The following GC variants were observed in gnomAD, a reference collection of about 807,000 sequenced individuals.
The protein encoded by GC is vitamin D-binding protein.
Under a neutral mutation model 56.7 loss-of-function variants are expected in GC, and 43 were observed. That is an observed-to-expected ratio of 0.76 (90% CI 0.59 to 0.98). The LOEUF is 0.98. GC is among the 50% of genes least tolerant of loss of function. The pLI, the probability that GC is intolerant of heterozygous loss-of-function variation, is 0.00. For synonymous variants in GC, 216 were observed against 202.7 expected, an observed-to-expected ratio of 1.07 and a Z score of -0.56; for missense variants, 529 against 545.9, an observed-to-expected ratio of 0.97 and a Z score of 0.31.
chr4:71,758,049 G>A lies in GC; in HGVS notation c.824C>T (p.Ala275Val). 1 of 1,612,974 alleles carries A rather than the reference G, an allele frequency of 6.2e-7. No individual in the cohort carries two copies. Among genetic ancestry groups the A allele is most frequent in the Middle Eastern group, 1.7e-4 (1 of 6,050 alleles). Residue 275 changes from alanine (A) to valine (V), a missense_variant, in exon 7 of 13, where the codon GCC (alanine) becomes GTC (valine). Ala to Val is a moderately conservative substitution (Grantham distance 64). Transcript: ENST00000273951. ...CCESASEDCMAKELPEHTVKL... is the reference protein window; with the variant it reads ...CCESASEDCMVKELPEHTVKL... ...TAATAAAGCTTGTCTTACCTCTTTG[G>A]CCATGCAATCTTCAGAGGCAGACTC...
intron 6 of GC, among the ~76,000 whole-genome samples, chr4:71,763,071 G>T (rs1742037028): frequency 6.6e-6 from 1 of 152,050 alleles, no homozygotes; most frequent in African/African-American, 2.4e-5. Context: ...TAAACAAAAG[G>T]TTGTGTTTTT....
intron 1 of GC, among the ~76,000 whole-genome samples, chr4:71,780,865 C>T (rs1742654009): frequency 1.3e-5 from 2 of 152,134 alleles, no homozygotes; most frequent in African/African-American, 4.8e-5. Flanking sequence ...TACCATTTGA[C>T]TCAGCCATCT....
chr4:71,789,358 A>G (rs1742918261), intron 1 of GC, among the ~76,000 whole-genome samples: 1 of 151,880 alleles, frequency 6.6e-6, no homozygotes, highest in African/African-American at 2.4e-5. Flanking sequence ...TAGCCTGGCT[A>G]ATCTTTGTTA....
At chr4:71,745,851 G>A (rs1222835444) in intron 12 of GC, among the ~76,000 whole-genome samples, 1 of 152,116 alleles carries the variant, frequency 6.6e-6, no homozygotes, top group Non-Finnish European at 1.5e-5. Flanking sequence ...CTATTGAAGT[G>A]CATCAGAATC....
intron 6 of GC, among the ~76,000 whole-genome samples, chr4:71,760,819 G>A (rs922657423): frequency 2.6e-5 from 4 of 152,108 alleles, no homozygotes; most frequent in Non-Finnish European, 2.9e-5. Context: ...CTTTGCCTGC[G>A]ACCATCCATG....
chr4:71,747,266 C>T (rs1741406067), intron 11 of GC, among the ~76,000 whole-genome samples: 1 of 152,000 alleles, frequency 6.6e-6, no homozygotes, highest in African/African-American at 2.4e-5. Flanking sequence ...ATTAAAAATC[C>T]TAATGCTGAG....
At chr4:71,769,294 A>T in intron 2 of GC, 37 bp downstream of exon 2, 1 of 1,461,884 alleles carries the variant, frequency 6.8e-7, no homozygotes, top group Non-Finnish European at 9.6e-7. Flanking sequence ...GTTCAAGATC[A>T]AATCACCAAC....
At chr4:71,760,819 G>T (rs922657423) in intron 6 of GC, among the ~76,000 whole-genome samples, 1 of 152,226 alleles carries the variant, frequency 6.6e-6, no homozygotes. Context: ...CTTTGCCTGC[G>T]ACCATCCATG....
chr4:71,763,076 G>GT (rs938416592), intron 6 of GC, among the ~76,000 whole-genome samples: 49 of 151,990 alleles, frequency 3.2e-4, no homozygotes, highest in African/African-American at 9.9e-4. Flanking sequence ...AAAAGGTTGT[G>GT]TTTTTTTGGT....
chr4:71,742,753 T>A (rs1283105282), intron 12 of GC, among the ~76,000 whole-genome samples: 7 of 152,124 alleles, frequency 4.6e-5, no homozygotes, highest in African/African-American at 1.7e-4. Flanking sequence ...GGTGGGTGGA[T>A]CACAAGGTCA....
intron 11 of GC, among the ~76,000 whole-genome samples, chr4:71,746,715 C>T (rs575210143): frequency 2.0e-4 from 25 of 126,094 alleles, no homozygotes; most frequent in Non-Finnish European, 3.6e-4. Flanking sequence ...CACAACAAGT[C>T]ATGATAGCAA....
At chr4:71,797,411 C>G (rs1008320878) in intron 1 of GC, among the ~76,000 whole-genome samples, 1 of 152,260 alleles carries the variant, frequency 6.6e-6, no homozygotes, top group Non-Finnish European at 1.5e-5. Flanking sequence ...CACCCCTCCT[C>G]CCGCTCAGCT....
At chr4:71,754,872 G>GT in intron 9 of GC, 106 bp downstream of exon 9, 1 of 679,614 alleles carries the variant, frequency 1.5e-6, no homozygotes, top group Non-Finnish European at 2.5e-6. Context: ...TCTGTTCTTA[G>GT]TTTGTAGGCC....
At chr4:71,804,835 T>A (rs887604867), upstream of GC, among the ~76,000 whole-genome samples, 149 of 151,046 alleles carry the variant, frequency 9.9e-4, 1 homozygote, top group African/African-American at 3.5e-3. Context: ...CTTGTCTTTT[T>A]TCCAGTTTAC....
chr4:71,785,325 A>G (rs891192447), upstream of GC, among the ~76,000 whole-genome samples: 2 of 151,708 alleles, frequency 1.3e-5, no homozygotes, highest in African/African-American at 4.8e-5. Flanking sequence ...GGTCAATGAA[A>G]CTAATGAGGC....
At chr4:71,780,204 T>G (rs904817176) in intron 1 of GC, among the ~76,000 whole-genome samples, 1 of 151,868 alleles carries the variant, frequency 6.6e-6, no homozygotes, top group Non-Finnish European at 1.5e-5. Flanking sequence ...AAACTGGATC[T>G]CTTCCTTACA....
exon 1 of GC, chr4:71,803,983 G>A (rs1207406131): frequency 3.1e-6 from 4 of 1,286,050 alleles, no homozygotes; most frequent in Non-Finnish European, 4.4e-6. Flanking sequence ...CATCACCAGT[G>A]GTAGAATAGG....
At chr4:71,784,937 T>C (rs561637922), upstream of GC, among the ~76,000 whole-genome samples, 1 of 151,820 alleles carries the variant, frequency 6.6e-6, no homozygotes, top group East Asian at 1.9e-4. Context: ...CTGTGACTTG[T>C]CTAGAGAGTC....
At chr4:71,798,625 T>C (rs961629704) in intron 1 of GC, among the ~76,000 whole-genome samples, 2 of 152,198 alleles carry the variant, frequency 1.3e-5, no homozygotes, top group African/African-American at 4.8e-5. Flanking sequence ...AAACCCAATC[T>C]CCTATAGCTT....
Sources: allele counts gnomAD v4.1 joint callset (sites outside exome capture counted in the v4.1 genomes callset), GRCh38; gene constraint gnomAD v4.1.1; transcripts MANE v1.5; gene names NCBI Gene and HGNC (gene_info 2026-07-23, HGNC 2026-07-21).